Variants in GNA12 observed in about 807,000 individuals in gnomAD.
GNA12 encodes guanine nucleotide-binding protein subunit alpha-12.
In GNA12, 9 loss-of-function variants were observed where a neutral mutation model predicts 26.0. The ratio of observed to expected loss-of-function variants is 0.35; its 90% CI spans 0.21 to 0.60. GNA12 has a LOEUF of 0.60. Among genes scored for constraint, GNA12 ranks in the 20% least tolerant of loss-of-function variants. GNA12 has a pLI of 0.78. For missense variants in GNA12, 405 were observed against 525.8 expected, an observed-to-expected ratio of 0.77 and a Z score of 2.25; for synonymous variants, 264 against 219.6, an observed-to-expected ratio of 1.20 and a Z score of -1.79.
intron 1 of GNA12, among the ~76,000 whole-genome samples, chr7:2,837,711 A>G (rs1199364848): frequency 6.6e-6 from 1 of 152,218 alleles, no homozygotes; most frequent in African/African-American, 2.4e-5. Flanking sequence ...TGGACAAAGG[A>G]AAGCTAAGAG....
intron 1 of GNA12, among the ~76,000 whole-genome samples, chr7:2,824,814 A>C (rs1793447116): frequency 6.6e-6 from 1 of 152,222 alleles, no homozygotes; most frequent in Non-Finnish European, 1.5e-5. Flanking sequence ...AGCGTAGCTG[A>C]GGGCCGGTGG....
chr7:2,841,759 C>A (rs1778994709), intron 1 of GNA12, among the ~76,000 whole-genome samples: 1 of 152,210 alleles, frequency 6.6e-6, no homozygotes, highest in African/African-American at 2.4e-5. Context: ...GTCACTTCAT[C>A]TCTAGGGCTG....
chr7:2,827,420 T>C (rs1385086482), intron 1 of GNA12, among the ~76,000 whole-genome samples: 1 of 152,066 alleles, frequency 6.6e-6, no homozygotes, highest in Non-Finnish European at 1.5e-5. Flanking sequence ...AAAAACAGAG[T>C]GAAAACAGAA....
chr7:2,820,216 C>CGGGGCT (rs571974777), intron 1 of GNA12, among the ~76,000 whole-genome samples: 15 of 152,070 alleles, frequency 9.9e-5, no homozygotes, highest in Admixed American at 2.0e-4. Context: ...GGTGGCCGCC[C>CGGGGCT]GGGGCTGGGG....
intron 2 of GNA12, among the ~76,000 whole-genome samples, chr7:2,759,555 T>C (rs1237431636): frequency 6.6e-6 from 1 of 152,186 alleles, no homozygotes; most frequent in Non-Finnish European, 1.5e-5. Flanking sequence ...AATACTAGAA[T>C]AGTGGTGACG....
At chr7:2,798,889 A>G (rs1792741366) in intron 1 of GNA12, among the ~76,000 whole-genome samples, 1 of 148,804 alleles carries the variant, frequency 6.7e-6, no homozygotes. Context: ...GCAATTAAAA[A>G]GAGGAAGCCT....
intron 2 of GNA12, among the ~76,000 whole-genome samples, chr7:2,789,514 C>T (rs891421237): frequency 1.3e-5 from 2 of 152,194 alleles, no homozygotes; most frequent in African/African-American, 4.8e-5. Flanking sequence ...GCTCTGACAC[C>T]TCAGTGGTGC....
At chr7:2,766,196 C>G (rs1791797829) in intron 2 of GNA12, among the ~76,000 whole-genome samples, 1 of 152,150 alleles carries the variant, frequency 6.6e-6, no homozygotes, top group Non-Finnish European at 1.5e-5. Context: ...TTCAGGTTAT[C>G]ACATAAGCAG....
At chr7:2,764,776 C>G (rs1462350335) in intron 2 of GNA12, 1 of 152,242 alleles carries the variant, frequency 6.6e-6, no homozygotes, top group South Asian at 2.1e-4. Context: ...TGAAGTCCCT[C>G]TCATTCTCCC....
At chr7:2,797,846 T>C (rs1792715055) in intron 1 of GNA12, among the ~76,000 whole-genome samples, 1 of 152,200 alleles carries the variant, frequency 6.6e-6, no homozygotes, top group Non-Finnish European at 1.5e-5. Context: ...TGTGTTTGTT[T>C]GTGGGGGAAA....
chr7:2,740,333 G>T (rs1388870217), intron 2 of GNA12, among the ~76,000 whole-genome samples: 2 of 152,208 alleles, frequency 1.3e-5, no homozygotes, highest in East Asian at 3.9e-4. Flanking sequence ...TGAAGGTAGG[G>T]ACCTCATGAT....
chr7:2,805,723 G>T (rs1792930426), intron 1 of GNA12, among the ~76,000 whole-genome samples: 1 of 152,332 alleles, frequency 6.6e-6, no homozygotes, highest in African/African-American at 2.4e-5. Flanking sequence ...TTAAAATCTG[G>T]AAGTATGGGA....
At chr7:2,832,294 C>T (rs1043584087) in intron 1 of GNA12, among the ~76,000 whole-genome samples, 6 of 152,164 alleles carry the variant, frequency 3.9e-5, no homozygotes, top group East Asian at 1.9e-4. Flanking sequence ...ATCAGCTCCA[C>T]GAGGCCAGGA....
Position 2,730,708 on chromosome 7 carries a change from T to C in GNA12, c.*473A>G, listed in dbSNP as rs995311831. On this transcript the variant is annotated 3_prime_UTR_variant, in exon 4 of 4. Transcript: ENST00000275364. ...GCAGCATCGGCGTGCACTGGATCTCTACAAGCTACTGTTAGGCAAAGCTTT... is the reference window on the plus strand; with the variant it reads ...GCAGCATCGGCGTGCACTGGATCTCCACAAGCTACTGTTAGGCAAAGCTTT... 3.8e-5 allele frequency: 6 copies of C among 159,482 alleles called. No homozygotes were observed. The highest frequency in any genetic ancestry group is 6.0e-5 in the Admixed American group (1 of 16,720). 9.9% of individuals were successfully genotyped at this position (159,482 alleles called of 1,614,324 possible). A position where few individuals can be genotyped will look rare whatever the true frequency, so the allele number is the denominator to read the frequency against.
intron 2 of GNA12, among the ~76,000 whole-genome samples, chr7:2,745,484 C>T (rs1421130824): frequency 1.3e-5 from 2 of 152,264 alleles, no homozygotes; most frequent in Middle Eastern, 3.4e-3. Flanking sequence ...GATTTTGTCA[C>T]CACCAGGCCT....
intron 1 of GNA12, among the ~76,000 whole-genome samples, chr7:2,831,766 C>T (rs1778671997): frequency 1.3e-5 from 2 of 152,062 alleles, no homozygotes; most frequent in African/African-American, 2.4e-5. Context: ...TATTAGTCAC[C>T]TCATGTGCGC....
intron 2 of GNA12, among the ~76,000 whole-genome samples, chr7:2,778,553 A>AC (rs1298504116): frequency 1.7e-4 from 26 of 152,228 alleles, no homozygotes; most frequent in Admixed American, 1.5e-3. Flanking sequence ...ACAGGCCCCT[A>AC]CTTCAGGAGT....
intron 1 of GNA12, among the ~76,000 whole-genome samples, chr7:2,799,148 A>T (rs1562434735): frequency 1.3e-5 from 2 of 152,270 alleles, no homozygotes; most frequent in Non-Finnish European, 2.9e-5. Context: ...GAACTTGATG[A>T]AAACGAAAAT....
At chr7:2,733,385 CTTTGG>C in intron 3 of GNA12, 61 bp downstream of exon 3, 1 of 1,299,714 alleles carries the variant, frequency 7.7e-7, no homozygotes, top group African/African-American at 1.8e-5. Context: ...ACGTGGACTG[CTTTGG>C]TCTCTGGACA....
Sources: allele counts gnomAD v4.1 joint callset (sites outside exome capture counted in the v4.1 genomes callset), GRCh38; gene constraint gnomAD v4.1.1; transcripts MANE v1.5; gene names NCBI Gene and HGNC (gene_info 2026-07-23, HGNC 2026-07-21).